The following RGS20 variants were observed in gnomAD, a reference collection of about 807,000 sequenced individuals.
The protein encoded by RGS20 is gz-selective GTPase-activating protein.
Under a neutral mutation model 33.6 loss-of-function variants are expected in RGS20, and 30 were observed. The ratio of observed to expected loss-of-function variants is 0.89; its 90% CI spans 0.67 to 1.21. RGS20 has a LOEUF of 1.21. Ranked by LOEUF, RGS20 falls within the 50% of genes most tolerant of loss-of-function variation. The pLI is 0.00. For synonymous variants in RGS20, 208 were observed against 197.9 expected (o/e 1.05, Z -0.43); for missense variants, 472 against 502.4 (o/e 0.94, Z 0.58).
At chr8:53,948,122 GTATA>G (rs1040497477) in intron 4 of RGS20, among the ~76,000 whole-genome samples, 1 of 128,842 alleles carries the variant, frequency 7.8e-6, no homozygotes, top group Non-Finnish European at 1.5e-5. Flanking sequence ...ATAAGATGTA[GTATA>G]TATATGCTAT....
chr8:53,937,429 C>T (rs1814168086), intron 2 of RGS20, among the ~76,000 whole-genome samples: 1 of 151,628 alleles, frequency 6.6e-6, no homozygotes, highest in Non-Finnish European at 1.5e-5. Flanking sequence ...CCATAAAAAC[C>T]CTAGAAGAAA....
At chr8:53,953,180 A>C (rs1005977057) in intron 4 of RGS20, among the ~76,000 whole-genome samples, 4 of 152,190 alleles carry the variant, frequency 2.6e-5, no homozygotes, top group African/African-American at 9.7e-5. Flanking sequence ...CATGTAACAA[A>C]AGTGCACTTG....
chr8:53,884,454 C>G (rs2129275675), intron 2 of RGS20, among the ~76,000 whole-genome samples: 1 of 152,228 alleles, frequency 6.6e-6, no homozygotes, highest in African/African-American at 2.4e-5. Flanking sequence ...ACCTTAGGAG[C>G]TTGAAGTGCT....
At chr8:53,900,022 C>T (rs774092101) in intron 2 of RGS20, among the ~76,000 whole-genome samples, 40 of 152,248 alleles carry the variant, frequency 2.6e-4, no homozygotes, top group Non-Finnish European at 4.1e-4. Flanking sequence ...TTTTTGTCAC[C>T]GCTTGCGTGT....
intron 2 of RGS20, among the ~76,000 whole-genome samples, chr8:53,890,586 T>C: frequency 6.6e-6 from 1 of 152,238 alleles, no homozygotes; most frequent in Admixed American, 6.5e-5. Context: ...ACTGAAGGGC[T>C]GATCACTTCA....
intron 3 of RGS20, among the ~76,000 whole-genome samples, chr8:53,942,285 TAAATAAA>T (rs1457002862): frequency 6.6e-6 from 1 of 150,820 alleles, no homozygotes; most frequent in African/African-American, 2.4e-5. Context: ...AAAAAATAAA[TAAATAAA>T]AAATAAAACA....
At chr8:53,927,918 T>C (rs1813849843) in intron 2 of RGS20, among the ~76,000 whole-genome samples, 1 of 152,202 alleles carries the variant, frequency 6.6e-6, no homozygotes, top group African/African-American at 2.4e-5. Flanking sequence ...TGTAAATAGG[T>C]AGCATTTATA....
chr8:53,908,402 G>C (rs1302112898), intron 2 of RGS20, among the ~76,000 whole-genome samples: 2 of 152,132 alleles, frequency 1.3e-5, no homozygotes, highest in African/African-American at 4.8e-5. Flanking sequence ...CACTTTGGGA[G>C]CCCAAGCTGA....
chr8:53,952,616 C>G (rs550432628), intron 4 of RGS20, among the ~76,000 whole-genome samples: 4 of 151,416 alleles, frequency 2.6e-5, no homozygotes, highest in African/African-American at 9.7e-5. Flanking sequence ...ATCCCAACTA[C>G]TTGGGAGGCT....
At position 53,872,839 on chromosome 8, in the gene RGS20, T is replaced by G. The variant is rs186234427; in HGVS notation, c.166-6419T>G. 9.7e-3 allele frequency among the ~76,000 whole-genome samples: 1,452 copies of G among 149,614 alleles called. 13 individuals are homozygous for G. The highest frequency in any genetic ancestry group is 0.016 in the Non-Finnish European group (1,066 of 67,656). ...CGCCTCTCAGCTCACATCTTGAGGG[T>G]TTTTTTTTAATTTAGTAAAATATAA... On this transcript the variant is annotated intron_variant, in intron 1 of 5. Transcript: ENST00000297313.
At chr8:53,920,430 GA>G (rs2129286189) in intron 2 of RGS20, among the ~76,000 whole-genome samples, 1 of 151,974 alleles carries the variant, frequency 6.6e-6, no homozygotes, top group African/African-American at 2.4e-5. Flanking sequence ...GTTTTTAGTG[GA>G]ATTCTTAGGA....
At chr8:53,867,665 T>TCCTC (rs1811951779) in intron 1 of RGS20, among the ~76,000 whole-genome samples, 1 of 145,426 alleles carries the variant, frequency 6.9e-6, no homozygotes, top group Non-Finnish European at 1.5e-5. Flanking sequence ...TAGTCTTCCT[T>TCCTC]CCTTCCTTCC....
chr8:53,909,212 TA>T, intron 2 of RGS20, among the ~76,000 whole-genome samples: 1 of 9,906 alleles, frequency 1.0e-4, no homozygotes, highest in African/African-American at 3.5e-4. Flanking sequence ...TATGTGTGTA[TA>T]TATATATATA....
At chr8:53,929,540 C>T (rs537119975) in intron 2 of RGS20, among the ~76,000 whole-genome samples, 9 of 152,110 alleles carry the variant, frequency 5.9e-5, no homozygotes, top group South Asian at 4.2e-4. Flanking sequence ...TGGTGGCGGA[C>T]GCCTGTAATT....
At chr8:53,918,839 C>A (rs1310857730) in intron 2 of RGS20, among the ~76,000 whole-genome samples, 1 of 152,134 alleles carries the variant, frequency 6.6e-6, no homozygotes, top group African/African-American at 2.4e-5. Context: ...CACTTTGTGA[C>A]CATTATGTAT....
chr8:53,872,673 A>T (rs1281131422), intron 1 of RGS20, among the ~76,000 whole-genome samples: 1 of 152,146 alleles, frequency 6.6e-6, no homozygotes, highest in African/African-American at 2.4e-5. Context: ...GAATGAGACT[A>T]GGCAATGTCT....
chr8:53,879,335 C>G lies in RGS20; in HGVS notation c.243C>G (p.Ser81Arg), dbSNP rs1014709996. The G allele has an allele frequency of 1.2e-6, 2 of 1,612,876 alleles. No individual in the cohort carries two copies. Among genetic ancestry groups the G allele is most frequent in the African/African-American group, 2.7e-5 (2 of 74,920 alleles). The change falls in exon 2 of 6, where the codon AGC becomes AGG. Residue 81 changes from serine (S) to arginine (R), a missense_variant. By Grantham distance (110) the Ser-to-Arg change is moderately radical. Coordinates refer to ENST00000297313, the MANE Select transcript of RGS20 (RefSeq NM_170587.4). Reference sequence around the variant, plus strand: ...GCCTCCTTTCTAGCCCGCTTTCCAGCCTCGCAAGGTTCTTCTCTCACCTTC... The same window carrying G: ...GCCTCCTTTCTAGCCCGCTTTCCAGGCTCGCAAGGTTCTTCTCTCACCTTC...
intron 2 of RGS20, among the ~76,000 whole-genome samples, chr8:53,902,555 G>A (rs1563379828): frequency 6.6e-6 from 1 of 152,084 alleles, no homozygotes; most frequent in East Asian, 1.9e-4. Flanking sequence ...CTCATCACTT[G>A]GCATTTCCTT....
At chr8:53,931,467 ATTGT>A (rs1813956791) in intron 2 of RGS20, among the ~76,000 whole-genome samples, 1 of 152,090 alleles carries the variant, frequency 6.6e-6, no homozygotes, top group Non-Finnish European at 1.5e-5. Flanking sequence ...AGGCAGGAAA[ATTGT>A]TTGAAACTGA....
Sources: allele counts gnomAD v4.1 joint callset (sites outside exome capture counted in the v4.1 genomes callset), GRCh38; gene constraint gnomAD v4.1.1; transcripts MANE v1.5; gene names NCBI Gene and HGNC (gene_info 2026-07-23, HGNC 2026-07-21).